PCLO: variants seen among roughly 807,000 people sequenced by gnomAD.
PCLO encodes piccolo presynaptic cytomatrix protein.
PCLO carries 82 observed loss-of-function variants against 427.5 expected under a neutral mutation model. The ratio of observed to expected loss-of-function variants is 0.19; its 90% CI spans 0.16 to 0.23. PCLO has a LOEUF of 0.23. Among genes scored for constraint, PCLO ranks in the 10% least tolerant of loss-of-function variants. The pLI is 1.00. For missense variants in PCLO, 6,239 were observed against 6,115.9 expected (o/e 1.02, Z -0.67); for synonymous variants, 2,357 against 2,155.4 (o/e 1.09, Z -2.59).
intron 2 of PCLO, 49 bp from the exon 3 acceptor site, chr7:83,135,705 C>A: frequency 8.0e-7 from 1 of 1,257,000 alleles, no homozygotes; most frequent in South Asian, 1.5e-5. Context: ...TGTAAAAACA[C>A]AAAAATGTTT....
intron 22 of PCLO, among the ~76,000 whole-genome samples, chr7:82,766,012 T>C (rs1790525341): frequency 6.6e-6 from 1 of 152,044 alleles, no homozygotes; most frequent in African/African-American, 2.4e-5. Context: ...AAAGGCAGTT[T>C]CTGGTAAGGT....
At chr7:83,054,427 C>T (rs1562940929) in intron 3 of PCLO, among the ~76,000 whole-genome samples, 2 of 152,002 alleles carry the variant, frequency 1.3e-5, no homozygotes, top group East Asian at 3.8e-4. Context: ...TAATTTTTCA[C>T]AGTATCACTT....
chr7:82,826,697 T>G (rs1449049026), intron 17 of PCLO, 37 bp from the exon 18 acceptor site: 1 of 1,335,620 alleles, frequency 7.5e-7, no homozygotes, highest in Non-Finnish European at 1.1e-6. Flanking sequence ...TAAACCTATC[T>G]TTCCATCATA....
In PCLO at chr7:82,915,636, T is replaced by A; in HGVS notation, c.12350A>T (p.Asp4117Val). 1.9e-6 allele frequency: 3 copies of A among 1,613,520 alleles called. No individual in the cohort carries two copies. The highest frequency in any genetic ancestry group is 1.7e-6 in the Non-Finnish European group (2 of 1,179,694). ...YVKAEEDPME[D>V]PYELKLLKHQ... The stretch of plus-strand genomic sequence containing the variant: ...TTTCAGAAGCTTTAACTCGTAAGGA[T>A]CCTCCATTGGGTCTTCCTCCGCCTT... Residue 4117 changes from aspartate to valine, a missense_variant, in exon 7 of 25, where the codon GAT (aspartate) becomes GTT (valine). Physicochemically the swap from Asp to Val is radical, Grantham distance 152. This residue lies in a region of PCLO where 680 missense variants were observed against 677.3 expected (regional missense o/e 1.00). Transcript: ENST00000333891.
At chr7:83,116,089 A>G (rs1044938169) in intron 3 of PCLO, among the ~76,000 whole-genome samples, 4 of 152,060 alleles carry the variant, frequency 2.6e-5, no homozygotes, top group Non-Finnish European at 5.9e-5. Context: ...TTTCTCCAAT[A>G]GTAAGATAGA....
In PCLO at chr7:82,828,053, C is replaced by A. The variant is rs548362033; in HGVS notation, c.14250-87G>T. The A allele has an allele frequency of 1.1e-4, 83 of 722,568 alleles. 1 individual carries two copies. Among genetic ancestry groups the A allele is most frequent in the African/African-American group, 1.1e-3 (63 of 55,622 alleles). The allele number at this position is 722,568 out of a possible 1,614,324, so 44.8% of individuals were successfully genotyped here. Reference sequence around the variant, plus strand: ...TAAACTAAAGGACATGCAGACTATTCAAGATATTTTATTTCAAATCACTAT... The same window carrying A: ...TAAACTAAAGGACATGCAGACTATTAAAGATATTTTATTTCAAATCACTAT... On this transcript the variant is annotated intron_variant, in intron 16 of 24. Coordinates refer to ENST00000333891, the MANE Select transcript of PCLO (RefSeq NM_033026.6).
rs1234006918 is a variant in PCLO, at chr7:83,020,509, C to G, written c.3301-54022G>C. ...AACTAGCTTACATCACTTTTACTCT[C>G]CCACTTTCTGCCATGTGAGGGCATA... On this transcript the variant is annotated intron_variant, in intron 3 of 24. Transcript: ENST00000333891. Among the ~76,000 whole-genome samples the G allele has an allele frequency of 3.3e-5, 5 of 152,250 alleles. No individual in the cohort carries two copies. The East Asian group carries it at 9.7e-4, about 29-fold the overall frequency.
chr7:82,772,295 A>T (rs1790663407), intron 22 of PCLO, among the ~76,000 whole-genome samples: 1 of 151,864 alleles, frequency 6.6e-6, no homozygotes, highest in Non-Finnish European at 1.5e-5. Flanking sequence ...TATTTCGGAT[A>T]TTTTTTTTCA....
intron 3 of PCLO, among the ~76,000 whole-genome samples, chr7:83,047,049 T>G (rs1003025162): frequency 3.3e-5 from 5 of 152,036 alleles, no homozygotes; most frequent in African/African-American, 1.2e-4. Flanking sequence ...AACACTCTAC[T>G]ATGAATATAA....
chr7:82,811,824 G>C (rs535722070), intron 20 of PCLO, among the ~76,000 whole-genome samples: 61 of 151,410 alleles, frequency 4.0e-4, no homozygotes, highest in Non-Finnish European at 7.5e-4. Flanking sequence ...ATCTCTATCA[G>C]TCATTTGTAA....
chr7:82,818,883 G>A (rs552705335), intron 20 of PCLO, among the ~76,000 whole-genome samples: 25 of 152,272 alleles, frequency 1.6e-4, no homozygotes, highest in African/African-American at 4.6e-4. Flanking sequence ...TTCAGAATGC[G>A]GATGGGATTA....
At chr7:83,050,227 A>AAAAAAAAAAAAAAAAAAAAAAAAAAC (rs71074611) in intron 3 of PCLO, among the ~76,000 whole-genome samples, 7 of 85,620 alleles carry the variant, frequency 8.2e-5, no homozygotes, top group Non-Finnish European at 1.3e-4. Flanking sequence ...AAAAAAAAAA[A>AAAAAAAAAAAAAAAAAAAAAAAAAAC]AAAAAAAAAA....
At chr7:83,141,945 T>C (rs1791872102) in intron 2 of PCLO, among the ~76,000 whole-genome samples, 1 of 152,144 alleles carries the variant, frequency 6.6e-6, no homozygotes, top group African/African-American at 2.4e-5. Flanking sequence ...AGTGAATTGA[T>C]AAAATTTGGG....
intron 10 of PCLO, among the ~76,000 whole-genome samples, chr7:82,854,445 T>C (rs149308398): frequency 6.6e-6 from 1 of 152,250 alleles, no homozygotes; most frequent in East Asian, 1.9e-4. Context: ...TATCTCTTCA[T>C]AATATAAAGA....
At chr7:83,125,533 T>C (rs1181302835) in intron 3 of PCLO, among the ~76,000 whole-genome samples, 15 of 152,222 alleles carry the variant, frequency 9.9e-5, no homozygotes, top group Admixed American at 9.8e-4. Context: ...CATTTTGTTC[T>C]GTACTAAGAA....
intron 2 of PCLO, among the ~76,000 whole-genome samples, chr7:83,146,181 A>G (rs942292414): frequency 6.6e-5 from 10 of 152,188 alleles, no homozygotes; most frequent in Admixed American, 6.5e-4. Context: ...GACAAGAAAC[A>G]TTGTTTGTAG....
In PCLO at chr7:82,965,837, T is replaced by A; in HGVS notation, c.3951A>T (p.Ile1317=). 6.2e-7 allele frequency: 1 copy of A among 1,613,926 alleles called. No homozygotes were observed. Among genetic ancestry groups the A allele is most frequent in the Non-Finnish European group, 8.5e-7 (1 of 1,179,848 alleles). The change falls in exon 4 of 25, where the codon ATA becomes ATT. Residue 1317 remains isoleucine (I), a synonymous_variant. Coordinates refer to ENST00000333891, the MANE Select transcript of PCLO (RefSeq NM_033026.6). ...PKEDDKTTKT[I]KEQPQPPCTA... is the part of the protein sequence containing the mutation. ...TGCATGGTGGCTGTGGCTGTTCTTT[T>A]ATTGTTTTGGTTGTCTTATCATCTT... is the stretch of plus-strand genomic sequence containing the variant.
Position 83,155,104 on chromosome 7 carries a change from G to GTTT in PCLO, c.1536_1537insAAA (p.Gln512_Gln513insLys). 1 of 1,546,388 alleles carries GTTT rather than the reference G, an allele frequency of 6.5e-7. No individual in the cohort carries two copies. Among genetic ancestry groups the GTTT allele is most frequent in the East Asian group, 2.3e-5 (1 of 43,812 alleles). ...GGTGAGGGCTTTGCTGGGCCAGGCT[G>GTTT]TTGAGGTGGGGGTTTTGTTGAGCCA... On this transcript the variant is annotated inframe_insertion, in exon 2 of 25. Transcript: ENST00000333891.
intron 13 of PCLO, among the ~76,000 whole-genome samples, chr7:82,843,675 T>G (rs1446675202): frequency 1.3e-5 from 2 of 151,176 alleles, no homozygotes; most frequent in Non-Finnish European, 3.0e-5. Flanking sequence ...ATTTTTTTTT[T>G]TTTTTTGGAG....
Sources: gnomAD v4.1 joint callset for allele counts (sites outside exome capture counted in the v4.1 genomes callset) on GRCh38, gnomAD v4.1.1 for gene constraint, gnomAD v4.1.1 regional missense constraint, MANE v1.5 for transcripts, NCBI Gene and HGNC (gene_info 2026-07-23, HGNC 2026-07-21) for gene names.